Variants in CTNND2 observed in about 807,000 individuals in gnomAD.
CTNND2 encodes the protein catenin delta 2.
A neutral mutation model predicts 144.4 loss-of-function variants in CTNND2; 22 were observed. That is an observed-to-expected ratio of 0.15 (90% CI 0.11 to 0.22). The LOEUF (loss-of-function observed/expected upper bound fraction) is 0.22. Ranked by LOEUF, CTNND2 falls within the 10% of genes least tolerant of loss-of-function variation. The pLI is 1.00. For missense variants in CTNND2, 1,353 were observed against 1,618.8 expected (o/e 0.84, Z 2.82); for synonymous variants, 751 against 695.6 (o/e 1.08, Z -1.25).
intron 3 of CTNND2, among the ~76,000 whole-genome samples, chr5:11,490,348 A>ACATAAT (rs1769272206): frequency 6.6e-6 from 1 of 152,234 alleles, no homozygotes; most frequent in African/African-American, 2.4e-5. Context: ...TATTTATAAA[A>ACATAAT]CATAATGTTA....
At chr5:11,725,156 G>A (rs1054283717) in intron 2 of CTNND2, among the ~76,000 whole-genome samples, 5 of 152,138 alleles carry the variant, frequency 3.3e-5, no homozygotes, top group East Asian at 1.9e-4. Context: ...GAACATGATC[G>A]ATGGGCTGCC....
intron 9 of CTNND2, among the ~76,000 whole-genome samples, chr5:11,320,832 A>G (rs1422614941): frequency 1.3e-5 from 2 of 152,230 alleles, no homozygotes; most frequent in Non-Finnish European, 2.9e-5. Flanking sequence ...AGCCAAACAT[A>G]TCAAGTATCT....
chr5:11,800,558 GT>G (rs1791623091), intron 1 of CTNND2, among the ~76,000 whole-genome samples: 1 of 152,016 alleles, frequency 6.6e-6, no homozygotes, highest in South Asian at 2.1e-4. Context: ...TGATACTACT[GT>G]GTGCCAGACA....
chr5:11,105,311 C>T (rs934068674), intron 14 of CTNND2, among the ~76,000 whole-genome samples: 1 of 152,334 alleles, frequency 6.6e-6, no homozygotes, highest in Non-Finnish European at 1.5e-5. Context: ...CTTCGAAGGA[C>T]AATCTAGTCC....
chr5:11,323,693 T>C (rs867441881), intron 9 of CTNND2, among the ~76,000 whole-genome samples: 2 of 152,176 alleles, frequency 1.3e-5, no homozygotes, highest in African/African-American at 2.4e-5. Flanking sequence ...GTTGAGGCAA[T>C]TGCAATTATG....
intron 16 of CTNND2, among the ~76,000 whole-genome samples, chr5:11,081,086 A>ACACACACACACACACACACACACACT (rs1554039106): frequency 6.7e-6 from 1 of 148,396 alleles, no homozygotes; most frequent in African/African-American, 2.5e-5. Context: ...ACACACACAC[A>ACACACACACACACACACACACACACT]CACACACACA....
intron 2 of CTNND2, among the ~76,000 whole-genome samples, chr5:11,618,093 T>G (rs565522780): frequency 6.6e-6 from 1 of 152,120 alleles, no homozygotes; most frequent in Non-Finnish European, 1.5e-5. Context: ...TCAGGCTTTT[T>G]TTTTTTAATA....
At chr5:11,074,227 C>T (rs1400197437) in intron 16 of CTNND2, among the ~76,000 whole-genome samples, 1 of 152,102 alleles carries the variant, frequency 6.6e-6, no homozygotes, top group East Asian at 1.9e-4. Context: ...CGTTCTGTCA[C>T]GTGCCAGCCA....
chr5:11,196,483 G>A (rs1261137814), intron 11 of CTNND2, among the ~76,000 whole-genome samples: 1 of 152,188 alleles, frequency 6.6e-6, no homozygotes, highest in African/African-American at 2.4e-5. Flanking sequence ...GCTGAGCTCT[G>A]TATTAGATCC....
chr5:11,704,548 C>T (rs190091510), intron 2 of CTNND2, among the ~76,000 whole-genome samples: 10 of 152,226 alleles, frequency 6.6e-5, no homozygotes, highest in Admixed American at 2.6e-4. Flanking sequence ...TTCCAGTTTC[C>T]AGAGGATGTT....
chr5:11,484,714 A>G (rs1214908928), intron 3 of CTNND2, among the ~76,000 whole-genome samples: 2 of 152,244 alleles, frequency 1.3e-5, no homozygotes, highest in Non-Finnish European at 2.9e-5. Context: ...TTCCATATGC[A>G]TCATATGGAG....
chr5:11,408,721 T>TC (rs1561349481), intron 5 of CTNND2, among the ~76,000 whole-genome samples: 1 of 152,080 alleles, frequency 6.6e-6, no homozygotes, highest in Non-Finnish European at 1.5e-5. Flanking sequence ...AACTTCCCTA[T>TC]TATAAACCAT....
At chr5:11,307,823 G>GGTGT (rs1750411358) in intron 9 of CTNND2, among the ~76,000 whole-genome samples, 1 of 152,140 alleles carries the variant, frequency 6.6e-6, no homozygotes, top group Non-Finnish European at 1.5e-5. Flanking sequence ...GCTGAATGTT[G>GGTGT]GTGTCCCTGC....
intron 3 of CTNND2, among the ~76,000 whole-genome samples, chr5:11,421,723 G>C (rs1441476089): frequency 6.6e-6 from 1 of 152,082 alleles, no homozygotes; most frequent in Non-Finnish European, 1.5e-5. Context: ...ACAAACTCTT[G>C]GTGAGTGCTC....
chr5:11,547,884 T>C (rs1775382836), intron 3 of CTNND2, among the ~76,000 whole-genome samples: 1 of 152,204 alleles, frequency 6.6e-6, no homozygotes, highest in African/African-American at 2.4e-5. Flanking sequence ...GTCATTTCTC[T>C]TCTGTGCCCG....
intron 3 of CTNND2, among the ~76,000 whole-genome samples, chr5:11,432,564 C>A (rs923601913): frequency 1.1e-4 from 16 of 152,132 alleles, no homozygotes; most frequent in African/African-American, 3.9e-4. Flanking sequence ...TGAAATATTT[C>A]TTTTAGTTCT....
In CTNND2 at chr5:11,714,909, T is replaced by G. The variant is rs573951575; in HGVS notation, c.174+17227A>C. Reference sequence around the variant, plus strand: ...GCCTAGGTGAGAGAGCAATATTCCGTCTCAAAAAAAAAAAAAGAAAGAAAG... The same window carrying G: ...GCCTAGGTGAGAGAGCAATATTCCGGCTCAAAAAAAAAAAAAGAAAGAAAG... On this transcript the variant is annotated intron_variant, in intron 2 of 21. Coordinates refer to ENST00000304623, the MANE Select transcript of CTNND2 (RefSeq NM_001332.4). 4.2e-5 allele frequency among the ~76,000 whole-genome samples: 6 copies of G among 142,204 alleles called. No homozygotes were observed. In the East Asian group the frequency reaches 1.0e-3, roughly 24 times the overall value. 93.3% of individuals were successfully genotyped at this position (142,204 alleles called of 152,430 possible).
chr5:11,118,278 G>A (rs1753758515), intron 12 of CTNND2, among the ~76,000 whole-genome samples: 1 of 152,184 alleles, frequency 6.6e-6, no homozygotes, highest in Non-Finnish European at 1.5e-5. Flanking sequence ...TCTACCACCT[G>A]AGCATATGTT....
chr5:11,076,870 C>G (rs747051079), intron 16 of CTNND2, among the ~76,000 whole-genome samples: 4 of 152,130 alleles, frequency 2.6e-5, no homozygotes, highest in Non-Finnish European at 5.9e-5. Context: ...AAAGAATGAT[C>G]TACGAAGAAT....
Sources: gnomAD v4.1 joint callset for allele counts (sites outside exome capture counted in the v4.1 genomes callset) on GRCh38, gnomAD v4.1.1 for gene constraint, MANE v1.5 for transcripts, NCBI Gene and HGNC (gene_info 2026-07-23, HGNC 2026-07-21) for gene names.